The following FARP1 variants were observed in gnomAD, a reference collection of about 807,000 sequenced individuals.
FARP1 encodes the protein FERM, ARH/RhoGEF and pleckstrin domain protein 1.
In FARP1, 52 loss-of-function variants were observed where a neutral mutation model predicts 128.8. The ratio of observed to expected loss-of-function variants is 0.40; its 90% CI spans 0.32 to 0.51. The LOEUF is 0.51. FARP1 is among the 20% of genes least tolerant of loss of function. FARP1 has a pLI of 0.45. For missense variants in FARP1, 1,333 were observed against 1,367.9 expected, an observed-to-expected ratio of 0.97 and a Z score of 0.40; for synonymous variants, 580 against 551.8, an observed-to-expected ratio of 1.05 and a Z score of -0.72.
In FARP1 at chr13:98,206,177, T is replaced by TTGTGTG. The variant is rs3138577; in HGVS notation, c.-23-7008_-23-7003dup. Reference sequence around the variant, plus strand: ...TAATAGGAATTTTCATGACTTGAGGTTGTGTGTGTGTGTGTGTGTGTGTGT... The same window carrying TTGTGTG: ...TAATAGGAATTTTCATGACTTGAGGTTGTGTGTGTGTGTGTGTGTGTGTGTGTGTGT... On this transcript the variant is annotated intron_variant, in intron 1 of 26. Coordinates refer to ENST00000319562, the MANE Select transcript of FARP1 (RefSeq NM_005766.4). Among the ~76,000 whole-genome samples, 131 of 146,564 alleles carry TTGTGTG rather than the reference T, an allele frequency of 8.9e-4. 1 individual carries two copies. The highest frequency in any genetic ancestry group is 3.2e-3 in the African/African-American group (125 of 39,440).
At chr13:98,236,609 A>C (rs1314980303) in intron 2 of FARP1, among the ~76,000 whole-genome samples, 2 of 152,082 alleles carry the variant, frequency 1.3e-5, no homozygotes, top group East Asian at 3.8e-4. Context: ...AAATTAAGAA[A>C]GTGAGATATG....
chr13:98,212,627 G>A (rs1469865255), intron 1 of FARP1, among the ~76,000 whole-genome samples: 2 of 150,120 alleles, frequency 1.3e-5, no homozygotes, highest in Non-Finnish European at 3.0e-5. Flanking sequence ...GGGGGGGTGG[G>A]TGGCTGGAAA....
intron 1 of FARP1, among the ~76,000 whole-genome samples, chr13:98,152,695 G>C (rs1445356679): frequency 6.6e-6 from 1 of 152,098 alleles, no homozygotes; most frequent in Non-Finnish European, 1.5e-5. Flanking sequence ...TATATTAATT[G>C]GGAGATTTTA....
intron 1 of FARP1, among the ~76,000 whole-genome samples, chr13:98,183,346 G>T (rs1878654094): frequency 1.3e-5 from 2 of 152,048 alleles, no homozygotes; most frequent in Admixed American, 1.3e-4. Context: ...ATTGATGACT[G>T]TCAGTTCTTT....
At chr13:98,150,032 C>T (rs751920958) in intron 1 of FARP1, among the ~76,000 whole-genome samples, 6 of 150,864 alleles carry the variant, frequency 4.0e-5, no homozygotes, top group Admixed American at 1.3e-4. Context: ...CCACCGCGCC[C>T]GGCCAAATAT....
rs75957005 is a variant in FARP1 at position 98,453,772 on chromosome 13, C to A, written c.*5455C>A. The A allele has an allele frequency of 6.6e-6, 1 of 152,162 alleles. No individual in the cohort carries two copies. Among genetic ancestry groups the A allele is most frequent in the African/African-American group, 2.4e-5 (1 of 41,390 alleles). 9.4% of individuals were successfully genotyped at this position (152,162 alleles called of 1,614,324 possible). On this transcript the variant is annotated 3_prime_UTR_variant, in exon 27 of 27. Coordinates refer to ENST00000319562, the MANE Select transcript of FARP1 (RefSeq NM_005766.4). The stretch of plus-strand genomic sequence containing the variant: ...TACAGAATCAGTTAAGTAAATTATA[C>A]AAACTGAAATAACAGACTAAAAATG...
chr13:98,220,483 A>C (rs976165008), intron 2 of FARP1, among the ~76,000 whole-genome samples: 1 of 152,088 alleles, frequency 6.6e-6, no homozygotes, highest in Non-Finnish European at 1.5e-5. Flanking sequence ...TTTTCTTATC[A>C]CTGTTTCTTT....
intron 2 of FARP1, among the ~76,000 whole-genome samples, chr13:98,306,538 A>G (rs1437925357): frequency 4.5e-4 from 69 of 152,058 alleles, no homozygotes; most frequent in Admixed American, 3.9e-3. Context: ...GTTTTGAGAA[A>G]GGATCTCACT....
At chr13:98,393,804 T>C in intron 12 of FARP1, 86 bp downstream of exon 12, 1 of 961,220 alleles carries the variant, frequency 1.0e-6, no homozygotes, top group South Asian at 1.4e-5. Context: ...GGCTTTCTTG[T>C]TCTCTGTCCT....
chr13:98,315,140 T>G (rs1369107373), intron 2 of FARP1, among the ~76,000 whole-genome samples: 2 of 152,198 alleles, frequency 1.3e-5, no homozygotes, highest in Admixed American at 1.3e-4. Context: ...GTTCATTTGT[T>G]TGTTTTTTAA....
rs749696809 is a variant in FARP1, at chr13:98,440,178, G to A, written c.2572G>A (p.Ala858Thr). The A allele has an allele frequency of 4.3e-6, 7 of 1,613,962 alleles. No homozygotes were observed. Among genetic ancestry groups the A allele is most frequent in the Non-Finnish European group, 5.9e-6 (7 of 1,180,024 alleles). Reference sequence around the variant, plus strand: ...GGACATCCAGATGGCCATTGACCTGGCGGAGAAGAGCAGCAGCCCCGCCCC... The same window carrying A: ...GGACATCCAGATGGCCATTGACCTGACGGAGAAGAGCAGCAGCCCCGCCCC... ...VEDIQMAIDL[A>T]EKSSSPAPEF... Residue 858 changes from alanine to threonine, a missense_variant, in exon 23 of 27, where the codon GCG (alanine) becomes ACG (threonine). Around this residue, in one of 2 missense-constraint regions of FARP1, gnomAD observed 1,009 missense variants for 969.8 expected, o/e 1.04. Coordinates refer to ENST00000319562, the MANE Select transcript of FARP1 (RefSeq NM_005766.4).
At chr13:98,222,479 G>A (rs575618960) in intron 2 of FARP1, among the ~76,000 whole-genome samples, 54 of 152,136 alleles carry the variant, frequency 3.5e-4, no homozygotes, top group Non-Finnish European at 5.4e-4. Flanking sequence ...TGGAGAGAAG[G>A]AGCTGGAGTC....
At chr13:98,216,455 G>A (rs1046651490) in intron 2 of FARP1, among the ~76,000 whole-genome samples, 24 of 152,248 alleles carry the variant, frequency 1.6e-4, no homozygotes, top group Non-Finnish European at 2.8e-4. Flanking sequence ...GACTTCTCAT[G>A]GCTCAGTCAC....
intron 2 of FARP1, among the ~76,000 whole-genome samples, chr13:98,324,686 G>A (rs560386583): frequency 1.3e-5 from 2 of 152,160 alleles, no homozygotes; most frequent in African/African-American, 2.4e-5. Context: ...GTTTCTGAGC[G>A]TCCTTGGCAG....
In FARP1 at chr13:98,390,815, T is replaced by C; in HGVS notation, c.1023T>C (p.Gly341=). The C allele has an allele frequency of 6.2e-7, 1 of 1,612,638 alleles. No homozygotes were observed. Among genetic ancestry groups the C allele is most frequent in the Admixed American group, 1.7e-5 (1 of 59,996 alleles). The change falls in exon 11 of 27, where the codon GGT becomes GGC. Residue 341 remains glycine, a synonymous_variant. Transcript: ENST00000319562. The part of the protein sequence containing the change: ...FSRGSSFRFS[G]RTQKQVLDYV... ...CCTGTTGTGGTCTCTGTTTCAGTGG[T>C]CGGACTCAGAAGCAGGTTCTCGACT...
intron 2 of FARP1, among the ~76,000 whole-genome samples, chr13:98,240,566 G>A (rs1013452741): frequency 6.6e-6 from 1 of 152,222 alleles, no homozygotes; most frequent in South Asian, 2.1e-4. Context: ...GTTGGTGGAT[G>A]GTCTGGGGCT....
chr13:98,293,689 A>T (rs117288539), intron 2 of FARP1, among the ~76,000 whole-genome samples: 1 of 152,212 alleles, frequency 6.6e-6, no homozygotes, highest in Non-Finnish European at 1.5e-5. Context: ...GCCAGGGGCT[A>T]TTGTACTGAC....
chr13:98,148,209 T>C (rs1410169215), intron 1 of FARP1, among the ~76,000 whole-genome samples: 1 of 152,044 alleles, frequency 6.6e-6, no homozygotes, highest in Non-Finnish European at 1.5e-5. Flanking sequence ...AGAAACCCCG[T>C]CTCTACTAAA....
At chr13:98,283,506 A>T (rs1010371617) in intron 2 of FARP1, among the ~76,000 whole-genome samples, 1 of 152,228 alleles carries the variant, frequency 6.6e-6, no homozygotes, top group African/African-American at 2.4e-5. Flanking sequence ...AACAGGACAG[A>T]ATCCAAGTGT....
Sources: gnomAD v4.1 joint callset for allele counts (sites outside exome capture counted in the v4.1 genomes callset) on GRCh38, gnomAD v4.1.1 for gene constraint, gnomAD v4.1.1 regional missense constraint, MANE v1.5 for transcripts, NCBI Gene and HGNC (gene_info 2026-07-23, HGNC 2026-07-21) for gene names.